Variants in NUP210L observed in about 807,000 individuals in gnomAD.
The protein encoded by NUP210L is nuclear pore membrane glycoprotein 210-like.
A neutral mutation model predicts 208.5 loss-of-function variants in NUP210L; 74 were observed. The ratio of observed to expected loss-of-function variants is 0.35; its 90% CI spans 0.29 to 0.43. The LOEUF is 0.43. Ranked by LOEUF, NUP210L falls within the 20% of genes least tolerant of loss-of-function variation. The probability of loss-of-function intolerance (pLI) is 1.00; values close to 1 mark genes in which losing one functional copy is unlikely to be tolerated. For missense variants in NUP210L, 1,843 were observed against 2,289.4 expected, an observed-to-expected ratio of 0.81 and a Z score of 3.98; for synonymous variants, 780 against 816.9, an observed-to-expected ratio of 0.95 and a Z score of 0.77.
chr1:154,068,986 T>TA (rs997311026), intron 17 of NUP210L, among the ~76,000 whole-genome samples: 8 of 151,700 alleles, frequency 5.3e-5, no homozygotes, highest in Non-Finnish European at 8.8e-5. Flanking sequence ...AATAATAAAA[T>TA]AAAAAAAGAA....
Position 154,058,691 on chromosome 1 carries a change from T to C in NUP210L, c.2853A>G (p.Leu951=), listed in dbSNP as rs767440634. Residue 951 remains leucine, a splice_region_variant and synonymous_variant, in exon 21 of 40, where the codon TTA becomes TTG. Coordinates refer to ENST00000368559, the Ensembl canonical transcript of NUP210L. Reference sequence around the variant, plus strand: ...TAAAAAATCCAGGATGTAATGGAACTAACTGGAAGTAAGAAGATGGTAGCT... The same window carrying C: ...TAAAAAATCCAGGATGTAATGGAACCAACTGGAAGTAAGAAGATGGTAGCT... 2.9e-5 allele frequency: 47 copies of C among 1,612,640 alleles called. 1 individual carries two copies. The highest frequency in any genetic ancestry group is 8.5e-6 in the Non-Finnish European group (10 of 1,179,394).
intron 13 of NUP210L, 64 bp downstream of exon 13, chr1:154,103,948 G>A (rs1348128253): frequency 7.9e-6 from 10 of 1,263,342 alleles, no homozygotes; most frequent in Non-Finnish European, 1.0e-5. Context: ...ATCTGTCACA[G>A]TGGTAGAGTT....
At chr1:154,023,932 C>T (rs545935044) in intron 30 of NUP210L, among the ~76,000 whole-genome samples, 27 of 151,846 alleles carry the variant, frequency 1.8e-4, no homozygotes, top group Admixed American at 6.6e-4. Context: ...AGATTACAGG[C>T]GCCCGCCACA....
intron 14 of NUP210L, among the ~76,000 whole-genome samples, chr1:154,099,687 TG>T (rs1418185355): frequency 6.6e-6 from 1 of 152,216 alleles, no homozygotes; most frequent in Non-Finnish European, 1.5e-5. Flanking sequence ...AGATAGCACC[TG>T]AAGATTAGTG....
intron 23 of NUP210L, among the ~76,000 whole-genome samples, chr1:154,055,735 C>T (rs1557944922): frequency 6.6e-6 from 1 of 151,972 alleles, no homozygotes; most frequent in Non-Finnish European, 1.5e-5. Context: ...TAATTATCTA[C>T]CAAAAAGTTA....
chr1:154,055,890 C>A (rs573035713), intron 23 of NUP210L, among the ~76,000 whole-genome samples: 11 of 151,740 alleles, frequency 7.2e-5, no homozygotes, highest in Non-Finnish European at 1.5e-4. Context: ...TTTTTTTGAA[C>A]ACATATAAAA....
chr1:154,149,741 T>C (rs1469180434), intron 2 of NUP210L, among the ~76,000 whole-genome samples: 1 of 152,002 alleles, frequency 6.6e-6, no homozygotes, highest in Admixed American at 6.5e-5. Flanking sequence ...ATAAATGAAA[T>C]TATTTTGGAT....
intron 12 of NUP210L, chr1:154,104,415 C>G (rs899555788): frequency 1.8e-6 from 1 of 558,396 alleles, no homozygotes; most frequent in South Asian, 2.1e-5. Flanking sequence ...AACATCATAT[C>G]AAGGAAGGAG....
intron 35 of NUP210L, among the ~76,000 whole-genome samples, chr1:154,006,014 G>A (rs1447548158): frequency 2.0e-5 from 3 of 151,062 alleles, no homozygotes; most frequent in African/African-American, 4.9e-5. Context: ...GAGCCACCGC[G>A]CCCCGCCCTA....
intron 27 of NUP210L, among the ~76,000 whole-genome samples, chr1:154,043,442 G>A (rs12065914): frequency 0.015 from 2,252 of 151,906 alleles, 55 homozygotes; most frequent in African/African-American, 0.05. Context: ...AGCCACCCGC[G>A]TAGCTGGGAT....
chr1:153,997,462 T>C (rs1316087096), intron 37 of NUP210L, among the ~76,000 whole-genome samples: 1 of 140,460 alleles, frequency 7.1e-6, no homozygotes, highest in Non-Finnish European at 1.6e-5. Context: ...TTTCTTTTCT[T>C]TTCTGTTTTT....
intron 30 of NUP210L, among the ~76,000 whole-genome samples, chr1:154,024,456 A>G (rs1218865604): frequency 6.6e-6 from 1 of 152,078 alleles, no homozygotes; most frequent in Non-Finnish European, 1.5e-5. Context: ...TAATGTCTAA[A>G]ATTTTTTTTC....
chr1:154,066,119 T>C (rs1654402759), intron 17 of NUP210L, among the ~76,000 whole-genome samples: 2 of 152,028 alleles, frequency 1.3e-5, no homozygotes, highest in African/African-American at 2.4e-5. Flanking sequence ...GGGACACATT[T>C]AAAGTAGTGG....
chr1:154,112,039 T>G (rs899477470), intron 12 of NUP210L, among the ~76,000 whole-genome samples: 2 of 151,562 alleles, frequency 1.3e-5, no homozygotes, highest in African/African-American at 2.4e-5. Context: ...GCAATTCTCC[T>G]GCCTCAACCT....
chr1:154,065,245 A>G lies in NUP210L; in HGVS notation c.2555-3571T>C, dbSNP rs145173886. Among the ~76,000 whole-genome samples the G allele has an allele frequency of 7.6e-4, 114 of 150,936 alleles. 1 individual carries two copies. Among genetic ancestry groups the G allele is most frequent in the African/African-American group, 2.7e-3 (110 of 41,120 alleles). Reference sequence around the variant, plus strand: ...GACCAGCTTGGGCAACATAGTGAGAACCTGTCTCTACAAAAAATTAAAAAA... The same window carrying G: ...GACCAGCTTGGGCAACATAGTGAGAGCCTGTCTCTACAAAAAATTAAAAAA... On this transcript the variant is annotated intron_variant, in intron 17 of 39. Transcript: ENST00000368559.
chr1:154,083,147 T>C (rs1571252412), intron 16 of NUP210L, among the ~76,000 whole-genome samples: 1 of 152,250 alleles, frequency 6.6e-6, no homozygotes, highest in East Asian at 1.9e-4. Context: ...GTCGGCTCGG[T>C]GGCCAGCTTT....
exon 1 of NUP210L, chr1:154,154,976 G>A (rs1659630426): frequency 6.2e-7 from 1 of 1,614,018 alleles, no homozygotes; most frequent in Non-Finnish European, 8.5e-7. Flanking sequence ...ACAACAGGAG[G>A]CGGTGTAGAC....
At chr1:154,041,132 T>TC (rs1652850685) in intron 27 of NUP210L, among the ~76,000 whole-genome samples, 1 of 151,954 alleles carries the variant, frequency 6.6e-6, no homozygotes, top group Admixed American at 6.6e-5. Context: ...ACCTACCTAA[T>TC]TTTAAAACTT....
At chr1:154,086,211 C>CA (rs756205784) in intron 16 of NUP210L, among the ~76,000 whole-genome samples, 967 of 79,530 alleles carry the variant, frequency 0.012, 10 homozygotes, top group Middle Eastern at 0.036. Context: ...GACTCAGTCT[C>CA]AAAAAAAAAA....
Sources: allele counts gnomAD v4.1 joint callset (sites outside exome capture counted in the v4.1 genomes callset), GRCh38; gene constraint gnomAD v4.1.1; transcripts MANE v1.5; gene names NCBI Gene and HGNC (gene_info 2026-07-23, HGNC 2026-07-21).